The following NUBPL variants were observed in gnomAD, a reference collection of about 807,000 sequenced individuals.
NUBPL encodes NUBP iron-sulfur cluster assembly factor, mitochondrial.
NUBPL carries 31 observed loss-of-function variants against 45.7 expected under a neutral mutation model. The observed-to-expected ratio is 0.68, with a 90% confidence interval of 0.51 to 0.92. The LOEUF is 0.92. Ranked by LOEUF, NUBPL falls within the 40% of genes least tolerant of loss-of-function variation. The pLI is 0.00. For synonymous variants in NUBPL, 144 were observed against 140.9 expected, an observed-to-expected ratio of 1.02 and a Z score of -0.15; for missense variants, 401 against 398.7, an observed-to-expected ratio of 1.01 and a Z score of -0.05.
At chr14:31,580,945 T>G (rs1278940035) in intron 3 of NUBPL, among the ~76,000 whole-genome samples, 3 of 152,018 alleles carry the variant, frequency 2.0e-5, no homozygotes, top group East Asian at 3.9e-4. Context: ...GTGTAGTGGG[T>G]TTTTCACCAG....
chr14:31,615,429 A>G (rs1211101086), intron 4 of NUBPL, among the ~76,000 whole-genome samples: 1 of 152,118 alleles, frequency 6.6e-6, no homozygotes, highest in Non-Finnish European at 1.5e-5. Flanking sequence ...ATTTCTCCTA[A>G]TGCTATCCCT....
At chr14:31,637,154 T>C (rs1210073713) in intron 4 of NUBPL, among the ~76,000 whole-genome samples, 1 of 152,010 alleles carries the variant, frequency 6.6e-6, no homozygotes, top group Non-Finnish European at 1.5e-5. Context: ...TTGCTCTTGC[T>C]TTTCTAGTTC....
chr14:31,636,513 T>C (rs570083606), intron 4 of NUBPL, among the ~76,000 whole-genome samples: 2,548 of 152,266 alleles, frequency 0.017, 33 homozygotes, highest in Non-Finnish European at 0.024. Context: ...TGAGGATTTT[T>C]GCATCAATGT....
At chr14:31,729,035 C>CT (rs773198008) in intron 6 of NUBPL, among the ~76,000 whole-genome samples, 21 of 152,284 alleles carry the variant, frequency 1.4e-4, no homozygotes, top group Non-Finnish European at 2.5e-4. Context: ...AATCCCAGTG[C>CT]TTTGGGAGGC....
At chr14:31,709,065 C>A (rs2037514754) in intron 6 of NUBPL, among the ~76,000 whole-genome samples, 2 of 152,142 alleles carry the variant, frequency 1.3e-5, no homozygotes, top group Admixed American at 1.3e-4. Flanking sequence ...TCCTTTTGGG[C>A]CTGTTCCTCT....
chr14:31,678,637 A>G (rs536205065), intron 6 of NUBPL, among the ~76,000 whole-genome samples: 2 of 152,298 alleles, frequency 1.3e-5, no homozygotes, highest in Non-Finnish European at 2.9e-5. Context: ...GCCCTGTCCT[A>G]CTGTGGCTAA....
At chr14:31,825,637 C>G (rs934678965) in intron 7 of NUBPL, among the ~76,000 whole-genome samples, 1 of 114,268 alleles carries the variant, frequency 8.8e-6, no homozygotes, top group African/African-American at 4.6e-5. Context: ...CTCCTCCTCC[C>G]CTCTTTCTCC....
chr14:31,802,260 A>G (rs2039604851), intron 7 of NUBPL, among the ~76,000 whole-genome samples: 1 of 139,650 alleles, frequency 7.2e-6, no homozygotes, highest in Non-Finnish European at 1.5e-5. Context: ...CACACGATTT[A>G]CTTGCCCTTC....
chr14:31,846,198 A>T, intron 8 of NUBPL: 2 of 398,784 alleles, frequency 5.0e-6, no homozygotes, highest in Non-Finnish European at 9.4e-6. Flanking sequence ...TCTATGGGAA[A>T]CTCAAAGATT....
intron 7 of NUBPL, among the ~76,000 whole-genome samples, chr14:31,798,103 C>T (rs138216433): frequency 0.016 from 2,451 of 149,418 alleles, 123 homozygotes; most frequent in African/African-American, 0.059. Context: ...CCGAGAGATC[C>T]GCTGTTAGTC....
chr14:31,641,675 C>T (rs973802152), intron 4 of NUBPL, among the ~76,000 whole-genome samples: 1 of 152,096 alleles, frequency 6.6e-6, no homozygotes, highest in African/African-American at 2.4e-5. Context: ...TATTGATTTT[C>T]TTTATTTTGG....
chr14:31,805,732 C>T (rs988640847), intron 7 of NUBPL, among the ~76,000 whole-genome samples: 7 of 151,868 alleles, frequency 4.6e-5, no homozygotes, highest in African/African-American at 1.7e-4. Flanking sequence ...AAGAGGGGAA[C>T]AACACACTGG....
chr14:31,597,099 T>C (rs2034303936), intron 3 of NUBPL, among the ~76,000 whole-genome samples: 1 of 152,188 alleles, frequency 6.6e-6, no homozygotes, highest in Non-Finnish European at 1.5e-5. Context: ...CTCTCTCTCT[T>C]TCCTCTCTTT....
At chr14:31,804,279 A>G (rs2039644639) in intron 7 of NUBPL, among the ~76,000 whole-genome samples, 1 of 152,180 alleles carries the variant, frequency 6.6e-6, no homozygotes, top group East Asian at 1.9e-4. Flanking sequence ...GTAGATAACG[A>G]AGTATATTTT....
At chr14:31,688,574 C>T (rs2037011705) in intron 6 of NUBPL, among the ~76,000 whole-genome samples, 1 of 129,452 alleles carries the variant, frequency 7.7e-6, no homozygotes, top group South Asian at 2.4e-4. Flanking sequence ...TGTGAGACTC[C>T]ATCTCAAAGA....
chr14:31,613,937 GAT>G (rs34880140), intron 4 of NUBPL, among the ~76,000 whole-genome samples: 211 of 149,938 alleles, frequency 1.4e-3, no homozygotes, highest in Middle Eastern at 0.014. Context: ...TTCAATAAGA[GAT>G]ATATATATAT....
Position 31,697,271 on chromosome 14 carries a change from C to G in NUBPL, c.513+23697C>G, listed in dbSNP as rs569790067. 5.3e-5 allele frequency among the ~76,000 whole-genome samples: 8 copies of G among 152,178 alleles called. No individual in the cohort carries two copies. The South Asian group carries it at 6.2e-4, about 12-fold the overall frequency. On this transcript the variant is annotated intron_variant, in intron 6 of 10. Coordinates refer to ENST00000281081, the MANE Select transcript of NUBPL (RefSeq NM_025152.3). The stretch of plus-strand genomic sequence containing the variant: ...TCTTATTCAATTGAAAGCCAACAAT[C>G]AAAATTAGAGCAAAAGGAAGCACTA...
chr14:31,663,952 C>T (rs893904923), intron 4 of NUBPL, among the ~76,000 whole-genome samples: 21 of 152,262 alleles, frequency 1.4e-4, no homozygotes, highest in African/African-American at 4.8e-4. Flanking sequence ...AGGTCCTTCA[C>T]GTCCCTTGTA....
chr14:31,738,533 C>T (rs2038209535), intron 6 of NUBPL, among the ~76,000 whole-genome samples: 1 of 152,160 alleles, frequency 6.6e-6, no homozygotes, highest in Non-Finnish European at 1.5e-5. Flanking sequence ...TATTATCTCT[C>T]TATAAATTTT....
Sources: allele counts gnomAD v4.1 joint callset (sites outside exome capture counted in the v4.1 genomes callset), GRCh38; gene constraint gnomAD v4.1.1; transcripts MANE v1.5; gene names NCBI Gene and HGNC (gene_info 2026-07-23, HGNC 2026-07-21).